Variants in GPR160 observed in about 807,000 individuals in gnomAD.
GPR160 encodes the protein probable G protein-coupled receptor 160.
GPR160 carries 2 observed loss-of-function variants against 2.6 expected under a neutral mutation model. The observed-to-expected ratio is 0.77, with a 90% CI of 0.32 to 2.44. GPR160 has a LOEUF of 2.44. Among genes scored for constraint, GPR160 ranks in the 30% most tolerant of loss-of-function variants. The pLI is 0.11. For synonymous variants in GPR160, 130 were observed against 132.2 expected (o/e 0.98, Z 0.12); for missense variants, 351 against 383.6 (o/e 0.91, Z 0.71).
chr3:170,073,836 C>A (rs1712717426), intron 2 of GPR160, among the ~76,000 whole-genome samples: 1 of 137,334 alleles, frequency 7.3e-6, no homozygotes, highest in African/African-American at 2.7e-5. Context: ...CCTATATTTT[C>A]TTTGTGGGTA....
chr3:170,065,378 C>T (rs1712272307), intron 2 of GPR160, among the ~76,000 whole-genome samples: 1 of 152,186 alleles, frequency 6.6e-6, no homozygotes, highest in African/African-American at 2.4e-5. Flanking sequence ...TCTCCCATAG[C>T]CATGTGCCCT....
At chr3:170,042,420 C>CAA (rs34452268) in intron 2 of GPR160, among the ~76,000 whole-genome samples, 29,301 of 103,410 alleles carry the variant, frequency 0.28, 4,032 homozygotes, top group East Asian at 0.51. Flanking sequence ...GATACTGCCT[C>CAA]AAAAAAAAAA....
In GPR160 at chr3:170,084,638, A is replaced by G. The variant is rs972803595; in HGVS notation, c.666A>G (p.Leu222=). The stretch of plus-strand genomic sequence containing the variant: ...CTTCCTATATGAATGAAACTATCTT[A>G]TATTTTCCTTTTTCATCCCACTCCA... ...RITSYMNETI[L]YFPFSSHSSY... Residue 222 remains leucine (L), a synonymous_variant, in exon 4 of 4, where the codon TTA becomes TTG. Transcript: ENST00000355897. 2.5e-5 allele frequency: 41 copies of G among 1,611,104 alleles called. No individual in the cohort carries two copies. The highest frequency in any genetic ancestry group is 3.2e-5 in the Non-Finnish European group (38 of 1,177,582).
At chr3:170,066,457 T>A (rs1559988774) in intron 2 of GPR160, among the ~76,000 whole-genome samples, 1 of 152,074 alleles carries the variant, frequency 6.6e-6, no homozygotes, top group Non-Finnish European at 1.5e-5. Flanking sequence ...CCTTTTCAAA[T>A]GCAAATCATG....
intron 2 of GPR160, among the ~76,000 whole-genome samples, chr3:170,054,921 G>A (rs1478175511): frequency 6.6e-6 from 1 of 151,722 alleles, no homozygotes; most frequent in East Asian, 1.9e-4. Flanking sequence ...AGCCTCCCTA[G>A]TAGCTGGGAT....
chr3:170,040,298 G>A (rs542930786), intron 2 of GPR160, among the ~76,000 whole-genome samples: 15 of 152,354 alleles, frequency 9.8e-5, no homozygotes, highest in African/African-American at 3.6e-4. Context: ...ACCACCACTT[G>A]TGGAGCTTTT....
At chr3:170,074,158 G>A (rs1280255032) in intron 2 of GPR160, among the ~76,000 whole-genome samples, 1 of 152,004 alleles carries the variant, frequency 6.6e-6, no homozygotes, top group Non-Finnish European at 1.5e-5. Flanking sequence ...CAAAGTGCTG[G>A]GATTACAGGC....
rs1716288783 is a variant in GPR160 at position 170,038,381 on chromosome 3, TCTG to T, written c.-322+169_-322+171del. On this transcript the variant is annotated intron_variant, in intron 1 of 3. Coordinates refer to ENST00000355897, the MANE Select transcript of GPR160 (RefSeq NM_014373.3). This position sits in a 1 kb window ranked among gnomAD's most constrained non-coding sequence, Gnocchi z 5.3. ...GCAGGAACTCAGGGGCTGGGGGTTC[TCTG>T]CTACTTAAGAGATCCAGGAGTGGAG... 6.6e-6 allele frequency: 1 copy of T among 152,052 alleles called. No individual in the cohort carries two copies. Among genetic ancestry groups the T allele is most frequent in the African/African-American group, 2.4e-5 (1 of 41,412 alleles). The allele number at this position is 152,052 out of a possible 1,614,324, so 9.4% of individuals were successfully genotyped here. A position where few individuals can be genotyped will look rare whatever the true frequency, so the allele number is the denominator to read the frequency against.
chr3:170,059,833 C>T (rs1711843199), intron 2 of GPR160, among the ~76,000 whole-genome samples: 1 of 152,086 alleles, frequency 6.6e-6, no homozygotes, highest in Non-Finnish European at 1.5e-5. Context: ...TGATGCTTTT[C>T]TTCCCCCCAC....
chr3:170,042,718 G>C (rs1339962777), intron 2 of GPR160, among the ~76,000 whole-genome samples: 1 of 149,876 alleles, frequency 6.7e-6, no homozygotes, highest in Admixed American at 6.6e-5. Context: ...GGCCAGTGTG[G>C]TGGTGGCTGA....
At chr3:170,055,313 T>A (rs1396175268) in intron 2 of GPR160, among the ~76,000 whole-genome samples, 2 of 152,062 alleles carry the variant, frequency 1.3e-5, no homozygotes, top group African/African-American at 4.8e-5. Context: ...CCTGACAATG[T>A]GATGGTGAAA....
At chr3:170,065,031 G>T (rs899481776) in intron 2 of GPR160, among the ~76,000 whole-genome samples, 1 of 152,184 alleles carries the variant, frequency 6.6e-6, no homozygotes, top group Non-Finnish European at 1.5e-5. Flanking sequence ...AGGATCTGAC[G>T]GGAGTGTAGA....
intron 2 of GPR160, among the ~76,000 whole-genome samples, chr3:170,043,423 T>G (rs1487633680): frequency 6.6e-6 from 1 of 152,152 alleles, no homozygotes; most frequent in African/African-American, 2.4e-5. Context: ...CCTCAGGTGA[T>G]CCACCCTCCT....
rs187740743 is a variant in GPR160, at chr3:170,038,566, C to T, written c.-321-349C>T. On this transcript the variant is annotated intron_variant, in intron 1 of 3. Transcript: ENST00000355897. This position sits in a 1 kb window ranked among gnomAD's most constrained non-coding sequence, Gnocchi z 5.3. ...CTCTCCAGGGGAGATGCTTTTTAAA[C>T]ATGACAAACCCAGCAAGGTTATAGA... is the stretch of plus-strand genomic sequence containing the variant. 2.6e-5 allele frequency: 4 copies of T among 152,278 alleles called. No individual in the cohort carries two copies. The highest frequency in any genetic ancestry group is 2.6e-4 in the Admixed American group (4 of 15,302). The allele number at this position is 152,278 out of a possible 1,614,324, so 9.4% of individuals were successfully genotyped here. A position where few individuals can be genotyped will look rare whatever the true frequency, so the allele number is the denominator to read the frequency against.
At chr3:170,083,064 C>G (rs965310072) in intron 3 of GPR160, among the ~76,000 whole-genome samples, 10 of 149,120 alleles carry the variant, frequency 6.7e-5, no homozygotes, top group Admixed American at 2.7e-4. Flanking sequence ...AAGTTTGGGT[C>G]AACTGATTTT....
At chr3:170,047,800 T>C (rs949158751) in intron 2 of GPR160, among the ~76,000 whole-genome samples, 4 of 151,952 alleles carry the variant, frequency 2.6e-5, no homozygotes, top group African/African-American at 7.3e-5. Context: ...ATAATGTCTT[T>C]TGCAGCAACT....
rs566044810 is a variant in GPR160 at position 170,043,526 on chromosome 3, A to G, written c.-193+4483A>G. 3.3e-5 allele frequency among the ~76,000 whole-genome samples: 5 copies of G among 152,284 alleles called. No individual in the cohort carries two copies. The South Asian group carries it at 1.0e-3, about 32-fold the overall frequency. On this transcript the variant is annotated intron_variant, in intron 2 of 3. Transcript: ENST00000355897. ...GACAAATGTCTCTAGGTTGGGTATT[A>G]TCAGTCCATTTTGCAAATGGAAGTT... is the stretch of plus-strand genomic sequence containing the variant.
At chr3:170,057,456 A>C (rs1325027418) in intron 2 of GPR160, 1 of 152,230 alleles carries the variant, frequency 6.6e-6, no homozygotes. Flanking sequence ...AAACAAATTA[A>C]AAAATGAAAA....
At chr3:170,057,055 C>G (rs1711681885) in intron 2 of GPR160, among the ~76,000 whole-genome samples, 1 of 152,154 alleles carries the variant, frequency 6.6e-6, no homozygotes, top group Non-Finnish European at 1.5e-5. Flanking sequence ...TATACCGGAG[C>G]CACAGGAGAG....
Sources: gnomAD v4.1 joint callset for allele counts (sites outside exome capture counted in the v4.1 genomes callset) on GRCh38, gnomAD v4.1.1 for gene constraint, Gnocchi (gnomAD v3.1) non-coding constraint, MANE v1.5 for transcripts, NCBI Gene and HGNC (gene_info 2026-07-23, HGNC 2026-07-21) for gene names.